The following MUSK variants were observed in gnomAD, a reference collection of about 807,000 sequenced individuals.
The protein encoded by MUSK is muscle associated receptor tyrosine kinase.
A neutral mutation model predicts 88.7 loss-of-function variants in MUSK; 55 were observed. The ratio of observed to expected loss-of-function variants is 0.62; its 90% confidence interval spans 0.50 to 0.78. The LOEUF is 0.78. Ranked by LOEUF, MUSK falls within the 30% of genes least tolerant of loss-of-function variation. MUSK has a pLI of 0.00. For synonymous variants in MUSK, 387 were observed against 391.9 expected (o/e 0.99, Z 0.15); for missense variants, 1,015 against 1,074.3 (o/e 0.94, Z 0.77).
chr9:110,731,196 A>G (rs2076958774), intron 5 of MUSK, among the ~76,000 whole-genome samples: 2 of 152,146 alleles, frequency 1.3e-5, no homozygotes, highest in Admixed American at 6.6e-5. Flanking sequence ...ATAGATATAT[A>G]GATTGTATCA....
chr9:110,681,119 AT>A (rs2076127238), intron 1 of MUSK, among the ~76,000 whole-genome samples: 1 of 45,334 alleles, frequency 2.2e-5, no homozygotes, highest in Non-Finnish European at 4.1e-5. Flanking sequence ...TATATATAAT[AT>A]ATATTATATA....
At chr9:110,736,143 A>T (rs2077028105) in intron 6 of MUSK, among the ~76,000 whole-genome samples, 1 of 152,146 alleles carries the variant, frequency 6.6e-6, no homozygotes, top group South Asian at 2.1e-4. Context: ...GTGGAATTGG[A>T]ATGTTCCTAG....
At chr9:110,761,961 T>C in intron 7 of MUSK, 2 of 980,318 alleles carry the variant, frequency 2.0e-6, no homozygotes, top group Non-Finnish European at 2.4e-6. Context: ...ATGTTACCCA[T>C]GATTGACTCA....
chr9:110,734,423 G>A lies in MUSK; in HGVS notation c.753+48G>A, dbSNP rs117884624. ...CTTGTCTGGGGAAGACCCATTGGTG[G>A]TGAACTTCAGGATAGACCATATAGT... On this transcript the variant is annotated intron_variant, in intron 6 of 14. Coordinates refer to ENST00000374448, the MANE Select transcript of MUSK (RefSeq NM_005592.4). 7.7e-4 allele frequency: 1,236 copies of A among 1,611,384 alleles called. 18 individuals carry two copies. In the East Asian group the frequency reaches 0.022, roughly 28 times the overall value.
In MUSK at chr9:110,805,132, T is replaced by A. The variant is rs1316878240; in HGVS notation, c.*4144T>A. On this transcript the variant is annotated 3_prime_UTR_variant, in exon 15 of 15. Transcript: ENST00000374448. ...TCTATTTTTCCATTATAAAATGTAA[T>A]GTTTGGATCATCCTGTTGCTAAATT... is the stretch of plus-strand genomic sequence containing the variant. Among the ~76,000 whole-genome samples, 1 of 151,956 alleles carries A rather than the reference T, an allele frequency of 6.6e-6. No individual in the cohort carries two copies. The highest frequency in any genetic ancestry group is 1.5e-5 in the Non-Finnish European group (1 of 67,826).
intron 5 of MUSK, among the ~76,000 whole-genome samples, chr9:110,733,588 C>A (rs1021360426): frequency 1.3e-5 from 2 of 149,914 alleles, no homozygotes; most frequent in African/African-American, 4.9e-5. Context: ...TTTTTTTTGC[C>A]CAATATATCA....
chr9:110,726,256 A>G (rs986942509), intron 5 of MUSK, among the ~76,000 whole-genome samples: 3 of 152,028 alleles, frequency 2.0e-5, no homozygotes, highest in African/African-American at 7.2e-5. Context: ...ACATTCTTTC[A>G]TGTCTTGAGT....
chr9:110,774,643 C>A (rs904269750), intron 9 of MUSK, among the ~76,000 whole-genome samples: 1 of 152,122 alleles, frequency 6.6e-6, no homozygotes, highest in Non-Finnish European at 1.5e-5. Context: ...AGGTCCTTTA[C>A]CTGCTCAGAA....
At chr9:110,689,416 A>G (rs1587902322) in intron 3 of MUSK, among the ~76,000 whole-genome samples, 2 of 112,700 alleles carry the variant, frequency 1.8e-5, no homozygotes, top group Admixed American at 2.2e-4. Flanking sequence ...ACATATTTAT[A>G]TATAATATAT....
intron 7 of MUSK, among the ~76,000 whole-genome samples, chr9:110,753,173 G>A (rs779137146): frequency 1.3e-5 from 2 of 152,162 alleles, no homozygotes; most frequent in Non-Finnish European, 2.9e-5. Context: ...ACTCACACCT[G>A]TAACCCCAAC....
rs1396918626 is a variant in MUSK at position 110,689,702 on chromosome 9, A to AATATATATATATTTT, written c.358+2441_358+2442insTATATTTTATATATA. 1.5e-3 allele frequency among the ~76,000 whole-genome samples: 62 copies of AATATATATATATTTT among 41,330 alleles called. 2 individuals carry two copies. Among genetic ancestry groups the AATATATATATATTTT allele is most frequent in the African/African-American group, 9.5e-3 (44 of 4,638 alleles). The allele number at this position is 41,330 out of a possible 152,430, so 27.1% of individuals were successfully genotyped here. A position where few individuals can be genotyped will look rare whatever the true frequency, so the allele number is the denominator to read the frequency against. On this transcript the variant is annotated intron_variant, in intron 3 of 14. Transcript: ENST00000374448. ...ATATAACTATATATAGTTATATATA[A>AATATATATATATTTT]ATATATAACTATATATGTTATATAT...
chr9:110,725,244 G>A (rs2131815578), intron 5 of MUSK, among the ~76,000 whole-genome samples: 1 of 152,058 alleles, frequency 6.6e-6, no homozygotes, highest in Non-Finnish European at 1.5e-5. Flanking sequence ...TTAGACTTTG[G>A]GGACTCAGGG....
chr9:110,704,060 C>A (rs954072480), intron 5 of MUSK, among the ~76,000 whole-genome samples: 1 of 152,014 alleles, frequency 6.6e-6, no homozygotes, highest in Non-Finnish European at 1.5e-5. Flanking sequence ...TTCATCTATC[C>A]TTACAATTTG....
intron 5 of MUSK, among the ~76,000 whole-genome samples, chr9:110,698,040 G>A (rs2131722272): frequency 6.6e-6 from 1 of 152,170 alleles, no homozygotes; most frequent in South Asian, 2.1e-4. Context: ...TGGTGTGAAA[G>A]GTCTTCACTG....
chr9:110,674,660 G>A (rs1033349632), intron 1 of MUSK, among the ~76,000 whole-genome samples: 1 of 152,116 alleles, frequency 6.6e-6, no homozygotes, highest in Non-Finnish European at 1.5e-5. Flanking sequence ...ACAGGCTGGA[G>A]TACAGAGGTG....
intron 1 of MUSK, among the ~76,000 whole-genome samples, chr9:110,679,239 C>T (rs917155947): frequency 1.6e-4 from 25 of 152,000 alleles, no homozygotes; most frequent in African/African-American, 5.3e-4. Flanking sequence ...GATAATTTTA[C>T]TTTTGGGTTT....
chr9:110,745,641 A>C (rs1402061014), intron 6 of MUSK, among the ~76,000 whole-genome samples: 1 of 152,166 alleles, frequency 6.6e-6, no homozygotes, highest in Non-Finnish European at 1.5e-5. Flanking sequence ...ACTTCTGATA[A>C]ATATGATAAT....
chr9:110,695,826 TA>T (rs2131715353), intron 4 of MUSK, among the ~76,000 whole-genome samples: 1 of 152,132 alleles, frequency 6.6e-6, no homozygotes, highest in East Asian at 1.9e-4. Flanking sequence ...TATTTTTTTT[TA>T]ATGTTGAATC....
intron 5 of MUSK, chr9:110,705,959 A>G: frequency 2.7e-6 from 1 of 369,848 alleles, no homozygotes; most frequent in East Asian, 7.8e-5. Context: ...TCATTATTTC[A>G]TATTTTGGCA....
Sources: allele counts gnomAD v4.1 joint callset (sites outside exome capture counted in the v4.1 genomes callset), GRCh38; gene constraint gnomAD v4.1.1; transcripts MANE v1.5; gene names NCBI Gene and HGNC (gene_info 2026-07-23, HGNC 2026-07-21).